The following GALNT13 variants were observed in gnomAD, a reference collection of about 807,000 sequenced individuals.
GALNT13 encodes the protein polypeptide N-acetylgalactosaminyltransferase 13.
A neutral mutation model predicts 64.2 loss-of-function variants in GALNT13; 28 were observed. The ratio of observed to expected loss-of-function variants is 0.44; its 90% confidence interval spans 0.32 to 0.60. The LOEUF is 0.60. Among genes scored for constraint, GALNT13 ranks in the 20% least tolerant of loss-of-function variants. The pLI is 0.05. For missense variants in GALNT13, 577 were observed against 669.8 expected (o/e 0.86, Z 1.53); for synonymous variants, 214 against 224.6 (o/e 0.95, Z 0.42).
chr2:153,843,681 C>T, the GALNT13 span, among the ~76,000 whole-genome samples: 441 of 152,300 alleles, frequency 2.9e-3, 1 homozygote, highest in Non-Finnish European at 4.6e-3. Context: ...CAAGTTTCTT[C>T]CACCTATAAG....
At chr2:153,980,615 T>C (rs1377080238) in intron 3 of GALNT13, among the ~76,000 whole-genome samples, 1 of 152,132 alleles carries the variant, frequency 6.6e-6, no homozygotes, top group Non-Finnish European at 1.5e-5. Context: ...CCTTTAGAGA[T>C]TCATGTAAGA....
At chr2:153,230,463 C>T in the GALNT13 span, among the ~76,000 whole-genome samples, 1 of 152,176 alleles carries the variant, frequency 6.6e-6, no homozygotes, top group South Asian at 2.1e-4. Context: ...CAGCCTCTGA[C>T]TGATGCTGAC....
intron 7 of GALNT13, among the ~76,000 whole-genome samples, chr2:154,249,387 G>T (rs1689951706): frequency 6.6e-6 from 1 of 152,104 alleles, no homozygotes; most frequent in South Asian, 2.1e-4. Context: ...GTCCAAGTGT[G>T]GATGTACAGG....
chr2:153,099,523 AT>A, the GALNT13 span, among the ~76,000 whole-genome samples: 4 of 152,232 alleles, frequency 2.6e-5, no homozygotes, highest in Admixed American at 2.6e-4. Context: ...AGGCAAATAC[AT>A]AATGCATTTA....
intron 4 of GALNT13, among the ~76,000 whole-genome samples, chr2:154,213,788 C>T (rs767594048): frequency 2.8e-4 from 42 of 151,920 alleles, no homozygotes; most frequent in African/African-American, 7.7e-4. Flanking sequence ...ATTGATGAGA[C>T]GAATAAATAT....
At chr2:154,306,231 C>T (rs1312597034) in intron 9 of GALNT13, among the ~76,000 whole-genome samples, 2 of 151,898 alleles carry the variant, frequency 1.3e-5, no homozygotes, top group Non-Finnish European at 2.9e-5. Context: ...ATACACGTGC[C>T]ATGGTGGTTT....
At chr2:153,437,141 T>A in the GALNT13 span, among the ~76,000 whole-genome samples, 64 of 152,244 alleles carry the variant, frequency 4.2e-4, no homozygotes, top group African/African-American at 1.5e-3. Context: ...TGGTTTTGAG[T>A]GAGTTTCTTA....
chr2:153,325,069 T>G, the GALNT13 span, among the ~76,000 whole-genome samples: 3 of 151,440 alleles, frequency 2.0e-5, no homozygotes, highest in African/African-American at 7.3e-5. Flanking sequence ...CCAGCTCCTC[T>G]TAGTACCTCT....
At chr2:153,165,679 CA>C in the GALNT13 span, among the ~76,000 whole-genome samples, 1 of 152,062 alleles carries the variant, frequency 6.6e-6, no homozygotes, top group Non-Finnish European at 1.5e-5. Context: ...AGCTGCTTTG[CA>C]TAGGTTGTAT....
intron 3 of GALNT13, among the ~76,000 whole-genome samples, chr2:154,096,570 A>T (rs1702081316): frequency 6.6e-6 from 1 of 152,052 alleles, no homozygotes; most frequent in East Asian, 1.9e-4. Context: ...CTCAACTGAT[A>T]TTCTTGCTTT....
chr2:153,748,565 A>G, the GALNT13 span, among the ~76,000 whole-genome samples: 1 of 152,076 alleles, frequency 6.6e-6, no homozygotes, highest in Non-Finnish European at 1.5e-5. Context: ...TGATATTTTT[A>G]TGTCTTCTTT....
chr2:154,327,697 C>T (rs571800427), intron 9 of GALNT13, among the ~76,000 whole-genome samples: 3 of 152,088 alleles, frequency 2.0e-5, no homozygotes, highest in Admixed American at 6.6e-5. Flanking sequence ...TAAACTCTTA[C>T]ACAGGAATAC....
chr2:153,878,131 A>T (rs1404002865), intron 1 of GALNT13, among the ~76,000 whole-genome samples: 1 of 152,226 alleles, frequency 6.6e-6, no homozygotes, highest in Non-Finnish European at 1.5e-5. Context: ...AGTAAGAATG[A>T]TTGAAAAAGT....
chr2:154,233,037 CAAAAAAAAAA>C (rs375484057), intron 4 of GALNT13, among the ~76,000 whole-genome samples: 1 of 59,072 alleles, frequency 1.7e-5, no homozygotes, highest in African/African-American at 5.9e-5. Context: ...GACCCTGTCT[CAAAAAAAAAA>C]AAAAAAAAAA....
At chr2:153,534,899 G>T in the GALNT13 span, among the ~76,000 whole-genome samples, 1 of 152,116 alleles carries the variant, frequency 6.6e-6, no homozygotes, top group Non-Finnish European at 1.5e-5. Flanking sequence ...GGGTGTATAC[G>T]TGCAAGTCAC....
At chr2:154,397,056 T>C (rs1475174907) in intron 10 of GALNT13, among the ~76,000 whole-genome samples, 1 of 151,874 alleles carries the variant, frequency 6.6e-6, no homozygotes, top group East Asian at 1.9e-4. Context: ...ATATTTCCTT[T>C]ATGAATTATA....
chr2:153,956,075 C>T (rs1692548097), intron 3 of GALNT13, among the ~76,000 whole-genome samples: 2 of 152,194 alleles, frequency 1.3e-5, no homozygotes, highest in South Asian at 2.1e-4. Flanking sequence ...GCCTCAAAAC[C>T]CTTCTAAGCA....
intron 1 of GALNT13, among the ~76,000 whole-genome samples, chr2:153,895,418 T>G (rs1687822703): frequency 6.6e-6 from 1 of 152,166 alleles, no homozygotes; most frequent in African/African-American, 2.4e-5. Flanking sequence ...TTACTAAAGT[T>G]GCTTTGTTTC....
At chr2:153,398,291 A>G in the GALNT13 span, among the ~76,000 whole-genome samples, 2 of 152,138 alleles carry the variant, frequency 1.3e-5, no homozygotes, top group African/African-American at 2.4e-5. Flanking sequence ...CATGGTGTAT[A>G]TGTGCCACAT....
Sources: allele counts gnomAD v4.1 joint callset (sites outside exome capture counted in the v4.1 genomes callset), GRCh38; gene constraint gnomAD v4.1.1; transcripts MANE v1.5; gene names NCBI Gene and HGNC (gene_info 2026-07-23, HGNC 2026-07-21).